The following UGT1A7 variants were observed in gnomAD, a reference collection of about 807,000 sequenced individuals.
The protein encoded by UGT1A7 is UDP glucuronosyltransferase family 1 member A7.
Under a neutral mutation model 45.6 loss-of-function variants are expected in UGT1A7, and 33 were observed. The ratio of observed to expected loss-of-function variants is 0.72; its 90% confidence interval spans 0.55 to 0.97. The LOEUF (loss-of-function observed/expected upper bound fraction) is 0.97. Ranked by LOEUF, UGT1A7 falls within the 50% of genes least tolerant of loss-of-function variation. The probability of loss-of-function intolerance (pLI) is 0.00; values close to 1 mark genes in which losing one functional copy is unlikely to be tolerated. For missense variants in UGT1A7, 684 were observed against 666.2 expected (o/e 1.03, Z -0.29); for synonymous variants, 274 against 250.6 (o/e 1.09, Z -0.88).
chr2:233,750,666 G>A (rs931346002), intron 1 of UGT1A7: 3 of 149,178 alleles, frequency 2.0e-5, no homozygotes, highest in Non-Finnish European at 2.9e-5. Flanking sequence ...GGTGCCCTGT[G>A]TCCCAGTGGC....
intron 1 of UGT1A7, among the ~76,000 whole-genome samples, chr2:233,704,709 C>T (rs192586332): frequency 2.6e-5 from 4 of 152,180 alleles, no homozygotes; most frequent in African/African-American, 7.2e-5. Flanking sequence ...TTTCTTAGCC[C>T]AATTTGCCTT....
chr2:233,698,631 C>T (rs913612995), intron 1 of UGT1A7, among the ~76,000 whole-genome samples: 7 of 152,176 alleles, frequency 4.6e-5, no homozygotes, highest in African/African-American at 1.4e-4. Flanking sequence ...TTTTGCCTAA[C>T]AGGTTAGTAA....
intron 1 of UGT1A7, chr2:233,691,051 G>A: frequency 1.0e-6 from 1 of 988,180 alleles, no homozygotes; most frequent in Non-Finnish European, 1.2e-6. Flanking sequence ...ACAGCAGAGT[G>A]GAGGTCTAGT....
chr2:233,767,753 C>G, intron 2 of UGT1A7, 96 bp from the exon 3 acceptor site: 1 of 1,599,056 alleles, frequency 6.3e-7, no homozygotes, highest in Non-Finnish European at 8.5e-7. Context: ...AAGACTGTTC[C>G]TTCAGAGGAC....
intron 1 of UGT1A7, among the ~76,000 whole-genome samples, chr2:233,726,698 T>C (rs1479327471): frequency 6.6e-6 from 1 of 152,232 alleles, no homozygotes; most frequent in Non-Finnish European, 1.5e-5. Context: ...ACGGAACATA[T>C]TCCCAGGTTT....
rs35003977 is a variant in UGT1A7, at chr2:233,760,961, T to G, written c.856-6073T>G. 783 of 1,614,200 alleles carry G rather than the reference T, an allele frequency of 4.9e-4. 4 individuals are homozygous for G. The highest frequency in any genetic ancestry group is 3.5e-3 in the Middle Eastern group (21 of 6,062). On this transcript the variant is annotated intron_variant, in intron 1 of 4. Coordinates refer to ENST00000373426, the MANE Select transcript of UGT1A7 (RefSeq NM_019077.3). ...TTTTCACAGAACTTTCTGTGCGACG[T>G]GGTTTATTCCCCGTATGCAACCCTT...
At chr2:233,759,537 C>T (rs1642121675) in intron 1 of UGT1A7, among the ~76,000 whole-genome samples, 1 of 152,180 alleles carries the variant, frequency 6.6e-6, no homozygotes, top group South Asian at 2.1e-4. Context: ...CTTCTGTTCA[C>T]ATGCGCTCCA....
chr2:233,733,221 G>A (rs531413389), intron 1 of UGT1A7, among the ~76,000 whole-genome samples: 6 of 152,072 alleles, frequency 3.9e-5, no homozygotes, highest in African/African-American at 1.4e-4. Context: ...GAGACAATGG[G>A]GTTTTCTAAA....
chr2:233,733,854 T>C (rs1332608655), intron 1 of UGT1A7, among the ~76,000 whole-genome samples: 1 of 152,088 alleles, frequency 6.6e-6, no homozygotes, highest in East Asian at 1.9e-4. Flanking sequence ...CTTTTTCTAT[T>C]GATTGGAATA....
chr2:233,687,764 G>T (rs1169948279), intron 1 of UGT1A7, among the ~76,000 whole-genome samples: 1 of 151,890 alleles, frequency 6.6e-6, no homozygotes, highest in Non-Finnish European at 1.5e-5. Context: ...AAATTAGCTG[G>T]GCCTGGTGGC....
At position 233,767,889 on chromosome 2, in the gene UGT1A7, C is replaced by A; in HGVS notation, c.1028C>A (p.Ala343Glu). The A allele has an allele frequency of 2.5e-6, 4 of 1,614,136 alleles. No individual in the cohort carries two copies. Among genetic ancestry groups the A allele is most frequent in the Non-Finnish European group, 3.4e-6 (4 of 1,180,034 alleles). ...ACTGGAACCCGACCATCGAATCTTG[C>A]GAACAACACGATACTTGTTAAGTGG... ...RYTGTRPSNLANNTILVKWLP... is the reference protein window; with the variant it reads ...RYTGTRPSNLENNTILVKWLP... Residue 343 changes from alanine (A) to glutamate (E), a missense_variant, in exon 3 of 5, where the codon GCG becomes GAG. Physicochemically the swap from Ala to Glu is moderately radical, Grantham distance 107. Transcript: ENST00000373426.
At chr2:233,747,557 A>C (rs1485247055) in intron 1 of UGT1A7, 7 of 1,596,092 alleles carry the variant, frequency 4.4e-6, no homozygotes, top group Non-Finnish European at 6.0e-6. Flanking sequence ...AAAGTATGGC[A>C]ATTTTGAAAA....
At position 233,682,698 on chromosome 2, in the gene UGT1A7, G is replaced by T. The variant is rs144940363; in HGVS notation, c.761G>T (p.Arg254Leu). ...LYSHTSIWLL[R>L]TDFVLEYPKP... ...AGCCACACATCAATTTGGTTGTTGC[G>T]AACTGACTTTGTTTTGGAGTATCCC... Residue 254 changes from arginine (R) to leucine (L), a missense_variant, in exon 1 of 5, where the codon CGA (arginine) becomes CTA (leucine). Arg to Leu is a moderately radical substitution (Grantham distance 102). Transcript: ENST00000373426. The T allele has an allele frequency of 6.2e-7, 1 of 1,613,794 alleles. No individual in the cohort carries two copies. The highest frequency in any genetic ancestry group is 8.5e-7 in the Non-Finnish European group (1 of 1,179,784).
At chr2:233,772,103 ACT>A (rs758185020) in intron 4 of UGT1A7, among the ~76,000 whole-genome samples, 157 bp from the exon 5 acceptor site, 84 of 152,280 alleles carry the variant, frequency 5.5e-4, no homozygotes, top group Admixed American at 1.4e-3. Flanking sequence ...ACAGGGCAAG[ACT>A]CTGTATCTAA....
intron 1 of UGT1A7, among the ~76,000 whole-genome samples, chr2:233,683,052 C>T (rs1345469025): frequency 6.6e-6 from 1 of 151,670 alleles, no homozygotes; most frequent in Non-Finnish European, 1.5e-5. Context: ...TGGAAAAATA[C>T]AAAAAAACCA....
chr2:233,700,353 T>G (rs2075558735), intron 1 of UGT1A7, among the ~76,000 whole-genome samples: 1 of 152,198 alleles, frequency 6.6e-6, no homozygotes, highest in Non-Finnish European at 1.5e-5. Context: ...GTGCTTATCT[T>G]TATGGCTGAT....
intron 1 of UGT1A7, among the ~76,000 whole-genome samples, chr2:233,752,077 C>T (rs1281273194): frequency 6.6e-6 from 1 of 152,216 alleles, no homozygotes; most frequent in Non-Finnish European, 1.5e-5. Context: ...GGAAGTCTCT[C>T]TACCTGTTTG....
chr2:233,760,567 A>G (rs1697488656), intron 1 of UGT1A7: 5 of 1,614,130 alleles, frequency 3.1e-6, no homozygotes, highest in African/African-American at 2.7e-5. Context: ...GTCTTTTGTT[A>G]GTCTCGGGCA....
intron 1 of UGT1A7, among the ~76,000 whole-genome samples, chr2:233,748,848 A>G (rs1037972949): frequency 6.6e-6 from 1 of 151,534 alleles, no homozygotes; most frequent in Non-Finnish European, 1.5e-5. Flanking sequence ...CTGTGAGCGT[A>G]TAAGCCCAGT....
Sources: allele counts gnomAD v4.1 joint callset (sites outside exome capture counted in the v4.1 genomes callset), GRCh38; gene constraint gnomAD v4.1.1; transcripts MANE v1.5; gene names NCBI Gene and HGNC (gene_info 2026-07-23, HGNC 2026-07-21).